Variants in DZIP3 observed in about 807,000 individuals in gnomAD.
DZIP3 encodes E3 ubiquitin-protein ligase DZIP3.
DZIP3 carries 118 observed loss-of-function variants against 162.0 expected under a neutral mutation model. The ratio of observed to expected loss-of-function variants is 0.73; its 90% CI spans 0.63 to 0.85. The LOEUF is 0.85. DZIP3 is among the 40% of genes least tolerant of loss of function. The pLI, the probability that DZIP3 is intolerant of heterozygous loss-of-function variation, is 0.00. For missense variants in DZIP3, 1,331 were observed against 1,407.0 expected, an observed-to-expected ratio of 0.95 and a Z score of 0.86; for synonymous variants, 438 against 458.6, an observed-to-expected ratio of 0.96 and a Z score of 0.57.
At chr3:108,671,320 G>A (rs1943920221) in intron 22 of DZIP3, among the ~76,000 whole-genome samples, 1 of 151,798 alleles carries the variant, frequency 6.6e-6, no homozygotes, top group African/African-American at 2.4e-5. Flanking sequence ...AAGTATCCAA[G>A]TGTTTCTGAT....
At chr3:108,670,020 A>G (rs540302181) in intron 22 of DZIP3, among the ~76,000 whole-genome samples, 3 of 152,054 alleles carry the variant, frequency 2.0e-5, no homozygotes, top group Non-Finnish European at 4.4e-5. Flanking sequence ...AACTACTGCC[A>G]GAGATTAGAC....
At chr3:108,645,636 C>T (rs970722369) in intron 14 of DZIP3, among the ~76,000 whole-genome samples, 4 of 152,154 alleles carry the variant, frequency 2.6e-5, no homozygotes, top group Admixed American at 2.0e-4. Context: ...AAGTTATTTA[C>T]AGCCTAATGA....
intron 1 of DZIP3, among the ~76,000 whole-genome samples, chr3:108,604,949 G>GA (rs140223893): frequency 0.019 from 2,942 of 152,074 alleles, 88 homozygotes; most frequent in African/African-American, 0.063. Flanking sequence ...ATTTATAATA[G>GA]AAAAAAATGG....
chr3:108,655,834 A>G (rs554085862), intron 19 of DZIP3, among the ~76,000 whole-genome samples: 1 of 152,316 alleles, frequency 6.6e-6, no homozygotes, highest in East Asian at 1.9e-4. Flanking sequence ...AGCAAACGGC[A>G]CACCAGGATA....
chr3:108,644,931 A>G (rs1245336101), intron 14 of DZIP3, 150 bp downstream of exon 14: 2 of 755,108 alleles, frequency 2.6e-6, no homozygotes, highest in Non-Finnish European at 4.1e-6. Flanking sequence ...TTATAGTGCT[A>G]GAGATGTTTC....
At chr3:108,662,800 A>G (rs934130116) in intron 21 of DZIP3, among the ~76,000 whole-genome samples, 7 of 152,202 alleles carry the variant, frequency 4.6e-5, no homozygotes, top group Non-Finnish European at 1.0e-4. Context: ...ACTTAGGGAA[A>G]AATTAGTAAC....
At chr3:108,631,047 A>T (rs77422965) in intron 8 of DZIP3, among the ~76,000 whole-genome samples, 1,199 of 71,876 alleles carry the variant, frequency 0.017, 14 homozygotes, top group African/African-American at 0.038. Flanking sequence ...ACACACACAC[A>T]CACACACACT....
At chr3:108,596,614 G>A (rs552531352) in intron 1 of DZIP3, among the ~76,000 whole-genome samples, 5 of 152,292 alleles carry the variant, frequency 3.3e-5, no homozygotes, top group African/African-American at 1.2e-4. Context: ...TTCTAAAGGA[G>A]AATTTTAGGT....
chr3:108,616,457 G>T, intron 4 of DZIP3, 84 bp from the exon 5 acceptor site: 1 of 895,444 alleles, frequency 1.1e-6, no homozygotes, highest in South Asian at 2.0e-5. Flanking sequence ...TTTCTCCAAT[G>T]AGCATGAATT....
intron 4 of DZIP3, among the ~76,000 whole-genome samples, chr3:108,612,098 T>A (rs962465106): frequency 1.3e-5 from 2 of 152,208 alleles, no homozygotes; most frequent in Non-Finnish European, 2.9e-5. Context: ...TTTTTCTGTA[T>A]AATTTGTGGT....
chr3:108,675,792 A>G lies in DZIP3; in HGVS notation c.2700A>G (p.Leu900=), dbSNP rs779420925. Residue 900 remains leucine, a synonymous_variant, in exon 25 of 33, where the codon CTA becomes CTG. Transcript: ENST00000361582. ...ARVTHMAASN[L]ESLQLKAAVD... is the part of the protein sequence containing the mutation. The stretch of plus-strand genomic sequence containing the variant: ...GTCTCCTTTTCTACAACAGCAACCT[A>G]GAATCACTTCAATTAAAGGCTGCGG... 3.7e-6 allele frequency: 6 copies of G among 1,604,348 alleles called. No individual in the cohort carries two copies. The highest frequency in any genetic ancestry group is 4.3e-6 in the Non-Finnish European group (5 of 1,176,460).
intron 5 of DZIP3, among the ~76,000 whole-genome samples, chr3:108,619,731 G>A (rs562178161): frequency 1.3e-4 from 20 of 152,150 alleles, no homozygotes; most frequent in African/African-American, 4.3e-4. Flanking sequence ...ATTTCATCTG[G>A]AAACACGCTC....
intron 1 of DZIP3, among the ~76,000 whole-genome samples, chr3:108,591,021 C>T: frequency 6.6e-6 from 1 of 152,096 alleles, no homozygotes; most frequent in South Asian, 2.1e-4. Flanking sequence ...GAAAAATAGA[C>T]GTTATTACTC....
At position 108,637,473 on chromosome 3, in the gene DZIP3, T is replaced by C. The variant is rs768298139; in HGVS notation, c.1012-23T>C. On this transcript the variant is annotated intron_variant, in intron 11 of 32. Transcript: ENST00000361582. The stretch of plus-strand genomic sequence containing the variant: ...TGAAAATTGAACTACTTTAGGGCTA[T>C]TTTTTTTCCCCATTACTTGCAGTTT... 1.9e-6 allele frequency: 3 copies of C among 1,592,704 alleles called. No individual in the cohort carries two copies. The South Asian group carries it at 3.4e-5, about 18-fold the overall frequency.
Position 108,677,608 on chromosome 3 carries a change from A to G in DZIP3, c.2883+10A>G, listed in dbSNP as rs369917909. 1 of 1,606,336 alleles carries G rather than the reference A, an allele frequency of 6.2e-7. No homozygotes were observed. Among genetic ancestry groups the G allele is most frequent in the African/African-American group, 1.3e-5 (1 of 74,650 alleles). ...CAGTCCTGAGATACTGGTAAGAAAT[A>G]CAACATTTTGAATAATTGCCCTTTT... On this transcript the variant is annotated intron_variant, in intron 26 of 32. Transcript: ENST00000361582.
chr3:108,639,123 T>G (rs1942278925), intron 12 of DZIP3, among the ~76,000 whole-genome samples: 2 of 152,264 alleles, frequency 1.3e-5, no homozygotes, highest in South Asian at 4.1e-4. Flanking sequence ...TTACTTAGAT[T>G]ACAGTAGATG....
chr3:108,640,857 C>T (rs910367966), intron 12 of DZIP3, among the ~76,000 whole-genome samples: 7 of 152,096 alleles, frequency 4.6e-5, no homozygotes, highest in Non-Finnish European at 4.4e-5. Context: ...TATCCTTTTG[C>T]ATCCATTTAC....
intron 5 of DZIP3, among the ~76,000 whole-genome samples, chr3:108,623,523 A>G (rs941681465): frequency 6.6e-6 from 1 of 152,192 alleles, no homozygotes; most frequent in African/African-American, 2.4e-5. Flanking sequence ...TGGCAAGGCA[A>G]AATCGTCTTT....
rs758681364 is a variant in DZIP3 at position 108,674,092 on chromosome 3, G to A, written c.2604G>A (p.Gln868=). 8.7e-6 allele frequency: 14 copies of A among 1,611,478 alleles called. No homozygotes were observed. In the South Asian group the frequency reaches 1.4e-4, roughly 16 times the overall value. The part of the protein sequence containing the change: ...RALTAEVYFL[Q]CRRDFGLLHL... ...AAAACCTGTAGGTGTATTTCTTACA[G>A]TGTCGTAGGGATTTTGGTTTGCTTC... Residue 868 remains glutamine, a synonymous_variant, in exon 24 of 33, where the codon CAG becomes CAA. Transcript: ENST00000361582.
Sources: gnomAD v4.1 joint callset for allele counts (sites outside exome capture counted in the v4.1 genomes callset) on GRCh38, gnomAD v4.1.1 for gene constraint, MANE v1.5 for transcripts, NCBI Gene and HGNC (gene_info 2026-07-23, HGNC 2026-07-21) for gene names.